NAV2: variants seen among roughly 807,000 people sequenced by gnomAD.
NAV2 encodes neuron navigator 2, also known as helicase, APC down-regulated 1.
Under a neutral mutation model 223.2 loss-of-function variants are expected in NAV2, and 54 were observed. The ratio of observed to expected loss-of-function variants is 0.24; its 90% CI spans 0.19 to 0.30. The LOEUF is 0.30. Among genes scored for constraint, NAV2 ranks in the 10% least tolerant of loss-of-function variants. NAV2 has a pLI of 1.00. For missense variants in NAV2, 2,806 were observed against 3,147.5 expected (o/e 0.89, Z 2.60); for synonymous variants, 1,279 against 1,239.3 (o/e 1.03, Z -0.67).
At chr11:19,876,690 T>G (rs2062850836) in intron 4 of NAV2, among the ~76,000 whole-genome samples, 2 of 152,110 alleles carry the variant, frequency 1.3e-5, no homozygotes, top group African/African-American at 4.8e-5. Flanking sequence ...GCACTGGGAT[T>G]GGGCTGGTAG....
intron 6 of NAV2, among the ~76,000 whole-genome samples, chr11:19,931,273 A>G (rs1263367189): frequency 6.6e-6 from 1 of 152,166 alleles, no homozygotes; most frequent in East Asian, 1.9e-4. Flanking sequence ...CCAGGAAAAC[A>G]TCCAACAACA....
At chr11:19,628,927 T>A (rs564918591) in intron 1 of NAV2, among the ~76,000 whole-genome samples, 149 of 152,242 alleles carry the variant, frequency 9.8e-4, no homozygotes, top group African/African-American at 3.5e-3. Flanking sequence ...ACCTGCCAGG[T>A]GCATTTGCCA....
At chr11:19,763,317 G>A (rs1312837259) in intron 1 of NAV2, among the ~76,000 whole-genome samples, 4 of 152,176 alleles carry the variant, frequency 2.6e-5, no homozygotes, top group African/African-American at 9.7e-5. Flanking sequence ...TTAAGAATAA[G>A]GCATAGCATG....
intron 1 of NAV2, among the ~76,000 whole-genome samples, chr11:19,526,643 G>A (rs1297191921): frequency 6.6e-6 from 1 of 152,126 alleles, no homozygotes; most frequent in Non-Finnish European, 1.5e-5. Context: ...AACCCACTCT[G>A]CAGTAGAGGT....
At chr11:20,027,007 G>A (rs971509473) in intron 11 of NAV2, among the ~76,000 whole-genome samples, 2 of 152,242 alleles carry the variant, frequency 1.3e-5, no homozygotes, top group African/African-American at 4.8e-5. Context: ...CACAGGGGCT[G>A]ACAACTGTAA....
intron 5 of NAV2, among the ~76,000 whole-genome samples, 179 bp downstream of exon 5, chr11:19,880,306 G>A (rs1352464299): frequency 6.6e-6 from 1 of 152,196 alleles, no homozygotes; most frequent in Non-Finnish European, 1.5e-5. Context: ...CCCTTCTTGT[G>A]TCTGGCAGAG....
Position 20,051,161 on chromosome 11 carries a change from G to A in NAV2, c.4437-128G>A, listed in dbSNP as rs2057965902. On this transcript the variant is annotated intron_variant, in intron 16 of 37. Coordinates refer to ENST00000349880, the MANE Select transcript of NAV2 (RefSeq NM_145117.5). ...GATGTGTTGCATTGCACGCCTAGCT[G>A]GATAAGGCACTTCCTGGTGATGTGC... The A allele has an allele frequency of 4.2e-5, 32 of 755,304 alleles. No homozygotes were observed. The East Asian group carries it at 7.8e-4, about 18-fold the overall frequency. The allele number at this position is 755,304 out of a possible 1,614,324, so 46.8% of individuals were successfully genotyped here. A position where few individuals can be genotyped will look rare whatever the true frequency, so the allele number is the denominator to read the frequency against.
At chr11:19,683,090 T>A (rs2048922645) in intron 1 of NAV2, among the ~76,000 whole-genome samples, 1 of 152,320 alleles carries the variant, frequency 6.6e-6, no homozygotes, top group South Asian at 2.1e-4. Flanking sequence ...CTTTGGTTCA[T>A]ATAGATAAAA....
rs143920360 is a variant in NAV2, at chr11:19,824,459, G to A, written c.268-8025G>A. 1.4e-3 allele frequency among the ~76,000 whole-genome samples: 207 copies of A among 152,310 alleles called. 1 individual carries two copies. The highest frequency in any genetic ancestry group is 4.7e-3 in the African/African-American group (195 of 41,582). ...CACTGCAGGGACATTGGGCAGAACC[G>A]GACTTTTCTGAGAAACCGGAGAGCA... On this transcript the variant is annotated intron_variant, in intron 1 of 37. Coordinates refer to ENST00000349880, the MANE Select transcript of NAV2 (RefSeq NM_145117.5).
intron 2 of NAV2, among the ~76,000 whole-genome samples, chr11:19,838,140 GA>G (rs2060326917): frequency 6.6e-6 from 1 of 152,120 alleles, no homozygotes; most frequent in Non-Finnish European, 1.5e-5. Context: ...GTATCAAAAT[GA>G]AAAGTTAAAA....
intron 1 of NAV2, among the ~76,000 whole-genome samples, chr11:19,598,951 T>C (rs1021929235): frequency 6.6e-6 from 1 of 152,196 alleles, no homozygotes; most frequent in Non-Finnish European, 1.5e-5. Flanking sequence ...CTCTGAAAGC[T>C]TCCCCCCATT....
At chr11:19,531,784 C>T (rs2044033997) in intron 1 of NAV2, among the ~76,000 whole-genome samples, 1 of 152,064 alleles carries the variant, frequency 6.6e-6, no homozygotes, top group Non-Finnish European at 1.5e-5. Flanking sequence ...TTTAATCAAA[C>T]CAAAGAGGCC....
chr11:19,513,089 A>G (rs1037611430), intron 1 of NAV2, among the ~76,000 whole-genome samples: 2 of 152,188 alleles, frequency 1.3e-5, no homozygotes, highest in Admixed American at 1.3e-4. Context: ...TTGCATTTCT[A>G]GACCATGTGT....
intron 1 of NAV2, among the ~76,000 whole-genome samples, chr11:19,720,706 G>A (rs1325055856): frequency 6.6e-6 from 1 of 152,186 alleles, no homozygotes; most frequent in African/African-American, 2.4e-5. Flanking sequence ...CTCTGTATCA[G>A]CATAATGCAT....
At chr11:20,054,964 G>T (rs1404932498) in intron 18 of NAV2, among the ~76,000 whole-genome samples, 1 of 152,228 alleles carries the variant, frequency 6.6e-6, no homozygotes, top group Non-Finnish European at 1.5e-5. Context: ...TTTAGAAAAA[G>T]GAAAGATTAG....
intron 1 of NAV2, among the ~76,000 whole-genome samples, chr11:19,526,572 A>G (rs2043849077): frequency 6.6e-6 from 1 of 152,068 alleles, no homozygotes; most frequent in Non-Finnish European, 1.5e-5. Flanking sequence ...GAAGAAGGGG[A>G]AAAGAGGGAA....
At chr11:19,941,928 T>C (rs2046435050) in intron 8 of NAV2, among the ~76,000 whole-genome samples, 1 of 152,214 alleles carries the variant, frequency 6.6e-6, no homozygotes, top group African/African-American at 2.4e-5. Flanking sequence ...TTAAGGTTTC[T>C]TTATTTCCAA....
intron 1 of NAV2, among the ~76,000 whole-genome samples, chr11:19,405,678 A>G (rs1438764920): frequency 6.6e-6 from 1 of 152,206 alleles, no homozygotes; most frequent in Non-Finnish European, 1.5e-5. Context: ...TCACTTCCTG[A>G]CTTTTACATT....
intron 3 of NAV2, among the ~76,000 whole-genome samples, chr11:19,862,804 GC>G (rs1382408133): frequency 2.6e-5 from 4 of 152,192 alleles, no homozygotes; most frequent in African/African-American, 9.7e-5. Flanking sequence ...CGTGCATAAG[GC>G]TGTGACCTCT....
Sources: allele counts gnomAD v4.1 joint callset (sites outside exome capture counted in the v4.1 genomes callset), GRCh38; gene constraint gnomAD v4.1.1; transcripts MANE v1.5; gene names NCBI Gene and HGNC (gene_info 2026-07-23, HGNC 2026-07-21).